The following SRBD1 variants were observed in gnomAD, a reference collection of about 807,000 sequenced individuals.
SRBD1 encodes the protein S1 RNA-binding domain-containing protein 1.
In SRBD1, 88 loss-of-function variants were observed where a neutral mutation model predicts 115.3. That is an observed-to-expected ratio of 0.76 (90% CI 0.64 to 0.91). The LOEUF (loss-of-function observed/expected upper bound fraction) is 0.91. SRBD1 is among the 40% of genes least tolerant of loss of function. The probability of loss-of-function intolerance (pLI) is 0.00; values close to 1 mark genes in which losing one functional copy is unlikely to be tolerated. For missense variants in SRBD1, 1,385 were observed against 1,177.4 expected, an observed-to-expected ratio of 1.18 and a Z score of -2.58; for synonymous variants, 509 against 407.7, an observed-to-expected ratio of 1.25 and a Z score of -2.99.
intron 14 of SRBD1, among the ~76,000 whole-genome samples, chr2:45,519,067 C>A (rs1161507772): frequency 6.6e-6 from 1 of 150,924 alleles, no homozygotes; most frequent in Non-Finnish European, 1.5e-5. Context: ...AAAGCTGTAA[C>A]AAAACTTAAA....
chr2:45,578,993 A>G (rs1189115957), intron 7 of SRBD1, among the ~76,000 whole-genome samples: 1 of 152,210 alleles, frequency 6.6e-6, no homozygotes, highest in Non-Finnish European at 1.5e-5. Context: ...TGTTAACTAT[A>G]TAATTTTTTA....
At chr2:45,465,835 G>T (rs577103989) in intron 16 of SRBD1, among the ~76,000 whole-genome samples, 95 of 152,184 alleles carry the variant, frequency 6.2e-4, no homozygotes, top group African/African-American at 2.2e-3. Context: ...GATTTTAAAT[G>T]AACAAGAATT....
chr2:45,563,556 C>T (rs1008477315), intron 9 of SRBD1, among the ~76,000 whole-genome samples: 7 of 151,816 alleles, frequency 4.6e-5, no homozygotes, highest in African/African-American at 1.7e-4. Context: ...ACAGACCTTT[C>T]GCTAGACTAA....
intron 14 of SRBD1, among the ~76,000 whole-genome samples, chr2:45,508,097 AG>A (rs1670852123): frequency 6.6e-6 from 1 of 152,218 alleles, no homozygotes; most frequent in Non-Finnish European, 1.5e-5. Context: ...CAAATTTAGA[AG>A]GTTGTTCAGC....
chr2:45,572,765 A>G (rs1673060210), intron 9 of SRBD1, among the ~76,000 whole-genome samples: 1 of 152,178 alleles, frequency 6.6e-6, no homozygotes, highest in African/African-American at 2.4e-5. Context: ...CTTAGGAAAA[A>G]AAATTAGTAA....
At chr2:45,414,835 TAC>T (rs1273372334) in intron 18 of SRBD1, among the ~76,000 whole-genome samples, 15 of 139,834 alleles carry the variant, frequency 1.1e-4, no homozygotes, top group East Asian at 8.1e-4. Flanking sequence ...ATATAGTATG[TAC>T]ACACACATAT....
rs1169853890 is a variant in SRBD1 at position 45,546,726 on chromosome 2, C to A, written c.1874+6G>T. 6.2e-7 allele frequency: 1 copy of A among 1,613,084 alleles called. No individual in the cohort carries two copies. Among genetic ancestry groups the A allele is most frequent in the Non-Finnish European group, 8.5e-7 (1 of 1,179,226 alleles). ...CCAAGAAAAGAGATATATGTAATAG[C>A]CTTACCAGTAAACAACATCCAGTGG... is the stretch of plus-strand genomic sequence containing the variant. On this transcript the variant is annotated splice_donor_region_variant and intron_variant, in intron 14 of 20. Transcript: ENST00000263736.
At chr2:45,400,683 A>T (rs1667268167) in intron 19 of SRBD1, among the ~76,000 whole-genome samples, 1 of 152,138 alleles carries the variant, frequency 6.6e-6, no homozygotes, top group East Asian at 1.9e-4. Flanking sequence ...AACAAAAATA[A>T]CAGCAATAAT....
chr2:45,541,700 G>C (rs1461541289), intron 14 of SRBD1, among the ~76,000 whole-genome samples: 1 of 152,174 alleles, frequency 6.6e-6, no homozygotes, highest in Non-Finnish European at 1.5e-5. Flanking sequence ...CAGTGGAGAG[G>C]AGATGGGCAG....
At chr2:45,604,643 G>A (rs1460570864) in intron 2 of SRBD1, among the ~76,000 whole-genome samples, 2 of 151,896 alleles carry the variant, frequency 1.3e-5, no homozygotes. Flanking sequence ...TTCTCTATTT[G>A]GAACACCCAT....
chr2:45,514,401 G>C (rs1423432060), intron 14 of SRBD1, among the ~76,000 whole-genome samples: 2 of 151,088 alleles, frequency 1.3e-5, no homozygotes, highest in Non-Finnish European at 2.9e-5. Flanking sequence ...ACAAGTGTAT[G>C]AGTATGAACC....
At chr2:45,560,310 A>AT (rs1672621898) in intron 10 of SRBD1, among the ~76,000 whole-genome samples, 1 of 152,126 alleles carries the variant, frequency 6.6e-6, no homozygotes, top group African/African-American at 2.4e-5. Context: ...TTAAAAGCAT[A>AT]TTTTTTCTTT....
At chr2:45,479,322 A>T (rs562738048) in intron 15 of SRBD1, among the ~76,000 whole-genome samples, 1 of 152,340 alleles carries the variant, frequency 6.6e-6, no homozygotes, top group African/African-American at 2.4e-5. Context: ...TATTCAAAAG[A>T]CATGTTGAAA....
chr2:45,447,451 A>G (rs1356215082), intron 16 of SRBD1: 2 of 41,734 alleles, frequency 4.8e-5, no homozygotes, highest in South Asian at 6.1e-4. Context: ...TATCTCAAAA[A>G]CAAAAAAAAA....
chr2:45,569,710 A>C (rs569058027), intron 9 of SRBD1, among the ~76,000 whole-genome samples: 14 of 152,362 alleles, frequency 9.2e-5, no homozygotes, highest in African/African-American at 3.4e-4. Context: ...ACCAATAAAG[A>C]AAATAAATAA....
intron 20 of SRBD1, among the ~76,000 whole-genome samples, chr2:45,390,750 C>T (rs186192498): frequency 3.0e-4 from 45 of 152,282 alleles, no homozygotes; most frequent in Admixed American, 2.4e-3. Context: ...CCTTTCTTCC[C>T]TTCCCCCAGT....
intron 14 of SRBD1, among the ~76,000 whole-genome samples, chr2:45,515,192 A>G (rs1036995612): frequency 6.6e-6 from 1 of 152,184 alleles, no homozygotes; most frequent in Non-Finnish European, 1.5e-5. Flanking sequence ...ATTATTAGCT[A>G]CTGAGTGTTA....
chr2:45,436,228 C>G (rs1668493449), intron 16 of SRBD1, among the ~76,000 whole-genome samples: 1 of 152,044 alleles, frequency 6.6e-6, no homozygotes, highest in Non-Finnish European at 1.5e-5. Context: ...GATAAAAATT[C>G]TCAATAAACT....
intron 20 of SRBD1, among the ~76,000 whole-genome samples, chr2:45,390,396 T>G (rs1433821958): frequency 6.6e-6 from 1 of 152,238 alleles, no homozygotes; most frequent in Non-Finnish European, 1.5e-5. Flanking sequence ...TTGTTCATTA[T>G]TGTCCAAAAG....
Sources: allele counts gnomAD v4.1 joint callset (sites outside exome capture counted in the v4.1 genomes callset), GRCh38; gene constraint gnomAD v4.1.1; transcripts MANE v1.5; gene names NCBI Gene and HGNC (gene_info 2026-07-23, HGNC 2026-07-21).